Variants in BCL2L14 observed in about 807,000 individuals in gnomAD.
The protein encoded by BCL2L14 is BCL2 like 14, also known as apoptosis facilitator Bcl-2-like protein 14.
In BCL2L14, 27 loss-of-function variants were observed where a neutral mutation model predicts 35.3. The observed-to-expected ratio is 0.76, with a 90% CI of 0.56 to 1.05. The LOEUF (loss-of-function observed/expected upper bound fraction) is 1.05. Among genes scored for constraint, BCL2L14 ranks in the 50% least tolerant of loss-of-function variants. BCL2L14 has a pLI of 0.00. For missense variants in BCL2L14, 377 were observed against 382.6 expected, an observed-to-expected ratio of 0.99 and a Z score of 0.12; for synonymous variants, 139 against 145.9, an observed-to-expected ratio of 0.95 and a Z score of 0.34.
At chr12:12,087,429 C>T (rs1233465556) in intron 3 of BCL2L14, 43 bp downstream of exon 3, 13 of 1,594,532 alleles carry the variant, frequency 8.2e-6, no homozygotes, top group East Asian at 2.2e-5. Context: ...CAGGCAGGGG[C>T]GCAGGAGCAT....
intron 2 of BCL2L14, among the ~76,000 whole-genome samples, chr12:12,060,193 T>TGC (rs1948500943): frequency 6.7e-6 from 1 of 150,276 alleles, no homozygotes; most frequent in African/African-American, 2.5e-5. Context: ...TTTCGTTCCA[T>TGC]GACTAGCCCT....
chr12:12,080,412 A>C (rs1189798747), intron 2 of BCL2L14, among the ~76,000 whole-genome samples: 1 of 151,550 alleles, frequency 6.6e-6, no homozygotes, highest in East Asian at 2.0e-4. Flanking sequence ...TAAGGTCAGG[A>C]GTTCAAGACT....
At chr12:12,072,097 A>C (rs1307007422) in intron 1 of BCL2L14, 2 of 152,216 alleles carry the variant, frequency 1.3e-5, no homozygotes, top group East Asian at 3.9e-4. Context: ...CACACCCCTC[A>C]CCGCTGGGAC....
At chr12:12,077,729 A>C (rs921096396) in intron 1 of BCL2L14, 2 of 191,524 alleles carry the variant, frequency 1.0e-5, no homozygotes, top group Non-Finnish European at 2.3e-5. Flanking sequence ...GGAGAGATGG[A>C]GTAACCTGCC....
rs1412609717 is a variant in BCL2L14, at chr12:12,098,999, T to C, written c.*11T>C. 1 of 1,593,038 alleles carries C rather than the reference T, an allele frequency of 6.3e-7. No homozygotes were observed. Among genetic ancestry groups the C allele is most frequent in the Non-Finnish European group, 8.6e-7 (1 of 1,160,736 alleles). On this transcript the variant is annotated 3_prime_UTR_variant, in exon 6 of 6. Coordinates refer to ENST00000308721, the MANE Select transcript of BCL2L14 (RefSeq NM_138723.2). ...GAAGAAGTAGACTGAAATATCAGAT[T>C]TGTCATCAGGAATACTCTTTGTCTA...
intron 1 of BCL2L14, among the ~76,000 whole-genome samples, chr12:12,051,294 C>A (rs546092852): frequency 3.5e-4 from 54 of 152,322 alleles, no homozygotes; most frequent in African/African-American, 1.2e-3. Flanking sequence ...CTGTCTCAAC[C>A]CTGTTTGCAC....
intron 4 of BCL2L14, among the ~76,000 whole-genome samples, chr12:12,092,049 T>G (rs1409716967): frequency 6.6e-6 from 1 of 152,142 alleles, no homozygotes; most frequent in Non-Finnish European, 1.5e-5. Context: ...CCAGTTAGCA[T>G]TTCAGCACAG....
chr12:12,096,158 A>C (rs1376254823), intron 5 of BCL2L14: 13 of 983,934 alleles, frequency 1.3e-5, no homozygotes, highest in Non-Finnish European at 1.4e-5. Context: ...AATAATATAC[A>C]AAAGATGATC....
intron 2 of BCL2L14, among the ~76,000 whole-genome samples, chr12:12,083,195 G>T (rs1425282372): frequency 6.6e-6 from 1 of 152,014 alleles, no homozygotes; most frequent in African/African-American, 2.4e-5. Flanking sequence ...CGATCTCCTG[G>T]CCTCGTGATC....
intron 2 of BCL2L14, among the ~76,000 whole-genome samples, chr12:12,061,374 G>T (rs994513499): frequency 1.3e-5 from 2 of 151,528 alleles, no homozygotes; most frequent in African/African-American, 4.8e-5. Context: ...TCAATGCCAA[G>T]ATCCCATCCC....
intron 3 of BCL2L14, 102 bp downstream of exon 3, chr12:12,087,488 C>A: frequency 7.6e-7 from 1 of 1,313,402 alleles, no homozygotes; most frequent in Non-Finnish European, 1.1e-6. Flanking sequence ...GTCTCCGCTG[C>A]CTGGACTGAG....
At chr12:12,066,488 A>G (rs1037367600), upstream of BCL2L14, among the ~76,000 whole-genome samples, 4 of 152,174 alleles carry the variant, frequency 2.6e-5, no homozygotes, top group African/African-American at 9.7e-5. Context: ...AGGCATTTTT[A>G]TCTAAGATAT....
intron 5 of BCL2L14, 73 bp downstream of exon 5, chr12:12,095,003 T>G: frequency 7.0e-7 from 1 of 1,421,796 alleles, no homozygotes; most frequent in Non-Finnish European, 9.3e-7. Flanking sequence ...TTTTTTTTTT[T>G]AAATGAAGGG....
chr12:12,068,068 T>C, upstream of BCL2L14: 4 of 395,862 alleles, frequency 1.0e-5, no homozygotes, highest in Non-Finnish European at 1.8e-5. Flanking sequence ...CTCAGTCTCC[T>C]GAGTAGCTGA....
At chr12:12,085,723 G>A (rs1236978025) in intron 2 of BCL2L14, among the ~76,000 whole-genome samples, 1 of 152,136 alleles carries the variant, frequency 6.6e-6, no homozygotes, top group Non-Finnish European at 1.5e-5. Flanking sequence ...CTTCAGCTTG[G>A]AGGAATCCAG....
intron 4 of BCL2L14, among the ~76,000 whole-genome samples, chr12:12,092,947 AT>A (rs1949225237): frequency 6.6e-6 from 1 of 152,192 alleles, no homozygotes; most frequent in African/African-American, 2.4e-5. Flanking sequence ...TCAAATAAAT[AT>A]TTTGTCCCTG....
At chr12:12,090,973 A>C (rs970959471) in intron 4 of BCL2L14, 124 bp downstream of exon 4, 1 of 564,882 alleles carries the variant, frequency 1.8e-6, no homozygotes, top group African/African-American at 2.0e-5. Flanking sequence ...CTTAGTCCTA[A>C]ATTTTATTTC....
chr12:12,075,449 G>A lies in BCL2L14; in HGVS notation c.-7-3850G>A, dbSNP rs60095381. Among the ~76,000 whole-genome samples the A allele has an allele frequency of 6.9e-3, 868 of 125,470 alleles. 2 individuals are homozygous for A. Among genetic ancestry groups the A allele is most frequent in the African/African-American group, 0.023 (828 of 35,660 alleles). 82.3% of individuals were successfully genotyped at this position (125,470 alleles called of 152,430 possible). A position where few individuals can be genotyped will look rare whatever the true frequency, so the allele number is the denominator to read the frequency against. ...TCTTTCTTTCTTTTTTTTTTGAGAC[G>A]GAGTTTCGCTGTTGTTGCCCAGGCT... On this transcript the variant is annotated intron_variant, in intron 1 of 5. Transcript: ENST00000308721.
chr12:12,094,977 G>A (rs761833654), intron 5 of BCL2L14, 47 bp downstream of exon 5: 3 of 1,555,264 alleles, frequency 1.9e-6, no homozygotes, highest in South Asian at 2.4e-5. Context: ...ACTCAGAAGA[G>A]ATGGGATGGA....
Sources: allele counts gnomAD v4.1 joint callset (sites outside exome capture counted in the v4.1 genomes callset), GRCh38; gene constraint gnomAD v4.1.1; transcripts MANE v1.5; gene names NCBI Gene and HGNC (gene_info 2026-07-23, HGNC 2026-07-21).